The following SHISA6 variants were observed in gnomAD, a reference collection of about 807,000 sequenced individuals.
SHISA6 encodes shisa family member 6.
Under a neutral mutation model 47.9 loss-of-function variants are expected in SHISA6, and 22 were observed. That is an observed-to-expected ratio of 0.46 (90% CI 0.33 to 0.66). SHISA6 has a LOEUF of 0.66. Ranked by LOEUF, SHISA6 falls within the 30% of genes least tolerant of loss-of-function variation. The probability of loss-of-function intolerance (pLI) is 0.02; values close to 1 mark genes in which losing one functional copy is unlikely to be tolerated. For missense variants in SHISA6, 680 were observed against 764.6 expected, an observed-to-expected ratio of 0.89 and a Z score of 1.30; for synonymous variants, 388 against 337.8, an observed-to-expected ratio of 1.15 and a Z score of -1.63.
chr17:11,349,220 G>T (rs1388301254), intron 2 of SHISA6, among the ~76,000 whole-genome samples: 1 of 152,126 alleles, frequency 6.6e-6, no homozygotes, highest in African/African-American at 2.4e-5. Context: ...TTTCGCCATT[G>T]TTTCTGCCCA....
At chr17:11,539,782 G>A (rs72809064) in intron 3 of SHISA6, among the ~76,000 whole-genome samples, 4,284 of 152,264 alleles carry the variant, frequency 0.028, 96 homozygotes, top group Non-Finnish European at 0.042. Flanking sequence ...AGTCCTGAGC[G>A]CTAATTGTTG....
At chr17:11,391,564 C>T (rs140771289) in intron 3 of SHISA6, among the ~76,000 whole-genome samples, 3 of 152,224 alleles carry the variant, frequency 2.0e-5, no homozygotes, top group African/African-American at 4.8e-5. Flanking sequence ...ACTCCCCTCA[C>T]CTCTACTCTT....
intron 3 of SHISA6, among the ~76,000 whole-genome samples, chr17:11,405,844 G>A (rs2142268051): frequency 6.6e-6 from 1 of 152,098 alleles, no homozygotes; most frequent in African/African-American, 2.4e-5. Context: ...GAGAACCATT[G>A]TTTTGGGAGC....
chr17:11,323,273 A>G (rs964688623), intron 2 of SHISA6, among the ~76,000 whole-genome samples: 3 of 152,186 alleles, frequency 2.0e-5, no homozygotes, highest in African/African-American at 4.8e-5. Context: ...ATCTCATCCA[A>G]CTTCCTTTAT....
chr17:11,284,043 A>C (rs1909213356), intron 2 of SHISA6, among the ~76,000 whole-genome samples: 1 of 152,088 alleles, frequency 6.6e-6, no homozygotes, highest in Admixed American at 6.6e-5. Context: ...ACTGACTCTA[A>C]TACTACTACC....
chr17:11,375,460 TG>T (rs1409407807), intron 2 of SHISA6, among the ~76,000 whole-genome samples: 2 of 152,210 alleles, frequency 1.3e-5, no homozygotes, highest in African/African-American at 4.8e-5. Flanking sequence ...CTGATCAGTT[TG>T]TTTCCCCCTT....
At chr17:11,267,484 C>T (rs758311592) in intron 2 of SHISA6, among the ~76,000 whole-genome samples, 2 of 152,134 alleles carry the variant, frequency 1.3e-5, no homozygotes, top group Non-Finnish European at 2.9e-5. Flanking sequence ...CTGAAAATAC[C>T]AATGCCTGCC....
At chr17:11,282,005 CA>C in intron 2 of SHISA6, among the ~76,000 whole-genome samples, 1 of 152,224 alleles carries the variant, frequency 6.6e-6, no homozygotes, top group East Asian at 1.9e-4. Context: ...CTTTTAAGAG[CA>C]ATTTCAATCT....
intron 3 of SHISA6, among the ~76,000 whole-genome samples, chr17:11,470,640 GACA>G (rs1247756895): frequency 6.9e-6 from 1 of 143,940 alleles, no homozygotes; most frequent in Non-Finnish European, 1.5e-5. Context: ...GATTAAAAGG[GACA>G]ACAAGGCAGA....
intron 3 of SHISA6, among the ~76,000 whole-genome samples, chr17:11,511,869 C>T (rs1215224226): frequency 6.6e-6 from 1 of 152,230 alleles, no homozygotes; most frequent in Non-Finnish European, 1.5e-5. Flanking sequence ...TGGCTGCTAA[C>T]AGCCAGCCCA....
chr17:11,484,752 A>G (rs1916305788), intron 3 of SHISA6, among the ~76,000 whole-genome samples: 1 of 152,200 alleles, frequency 6.6e-6, no homozygotes, highest in Non-Finnish European at 1.5e-5. Context: ...GGAAACTATC[A>G]TCAAAATTGT....
chr17:11,406,032 G>T (rs1391120976), intron 3 of SHISA6, among the ~76,000 whole-genome samples: 1 of 152,126 alleles, frequency 6.6e-6, no homozygotes, highest in Non-Finnish European at 1.5e-5. Context: ...TCCCTTTCTA[G>T]AGATAACCAA....
intron 3 of SHISA6, among the ~76,000 whole-genome samples, chr17:11,455,961 G>A (rs545840145): frequency 2.0e-5 from 3 of 152,232 alleles, no homozygotes; most frequent in Non-Finnish European, 2.9e-5. Context: ...AGGTTTGACC[G>A]TAGATGTTCA....
intron 1 of SHISA6, among the ~76,000 whole-genome samples, chr17:11,246,828 T>TA (rs1257799434): frequency 6.7e-6 from 1 of 149,962 alleles, no homozygotes; most frequent in Non-Finnish European, 1.5e-5. Context: ...TTGCCTTTGA[T>TA]ATATGAGGTT....
At chr17:11,515,455 A>C (rs2142358530) in intron 3 of SHISA6, among the ~76,000 whole-genome samples, 1 of 152,048 alleles carries the variant, frequency 6.6e-6, no homozygotes, top group East Asian at 1.9e-4. Context: ...GTTTCTTAGA[A>C]GTTGAGCCTG....
At chr17:11,291,086 G>A (rs1023730431) in intron 2 of SHISA6, among the ~76,000 whole-genome samples, 1 of 151,760 alleles carries the variant, frequency 6.6e-6, no homozygotes, top group Admixed American at 6.6e-5. Flanking sequence ...TATGTATTCA[G>A]AAACTTCCAG....
At chr17:11,448,229 A>ATTGT (rs16722) in intron 3 of SHISA6, among the ~76,000 whole-genome samples, 51,586 of 151,730 alleles carry the variant, frequency 0.34, 8,981 homozygotes, top group South Asian at 0.4. Flanking sequence ...GGCGGGCTTA[A>ATTGT]TCTTTTAAAA....
chr17:11,453,092 A>G (rs1915447095), intron 3 of SHISA6, among the ~76,000 whole-genome samples: 1 of 152,046 alleles, frequency 6.6e-6, no homozygotes, highest in South Asian at 2.1e-4. Context: ...ATTTCCTTTC[A>G]GCCTTTCCTC....
In SHISA6 at chr17:11,478,982, C is replaced by T. The variant is rs182498711; in HGVS notation, c.896-72914C>T. On this transcript the variant is annotated intron_variant, in intron 3 of 5. Transcript: ENST00000441885. ...GAAAGTCATTGGTAGCTTCCATGCT[C>T]ATGGGTAGGAAGAATCAATATCGTG... Among the ~76,000 whole-genome samples the T allele has an allele frequency of 5.7e-3, 872 of 152,162 alleles. 13 individuals are homozygous for T. The highest frequency in any genetic ancestry group is 0.021 in the African/African-American group (854 of 41,510).
Sources: allele counts gnomAD v4.1 joint callset (sites outside exome capture counted in the v4.1 genomes callset), GRCh38; gene constraint gnomAD v4.1.1; transcripts MANE v1.5; gene names NCBI Gene and HGNC (gene_info 2026-07-23, HGNC 2026-07-21).